Variants in CYP2F1 observed in about 807,000 individuals in gnomAD.
CYP2F1 encodes the protein cytochrome P450 family 2 subfamily F member 1.
CYP2F1 carries 33 observed loss-of-function variants against 40.4 expected under a neutral mutation model. The observed-to-expected ratio is 0.82, with a 90% CI of 0.62 to 1.09. CYP2F1 has a LOEUF of 1.09. Ranked by LOEUF, CYP2F1 falls within the 50% of genes least tolerant of loss-of-function variation. The pLI is 0.00. For synonymous variants in CYP2F1, 235 were observed against 277.2 expected, an observed-to-expected ratio of 0.85 and a Z score of 1.51; for missense variants, 566 against 655.7, an observed-to-expected ratio of 0.86 and a Z score of 1.49.
intron 9 of CYP2F1, among the ~76,000 whole-genome samples, chr19:41,127,262 TA>T (rs2032580276): frequency 6.6e-6 from 1 of 152,214 alleles, no homozygotes; most frequent in African/African-American, 2.4e-5. Context: ...TGGCCCATGG[TA>T]AGCTACTTAC....
intron 3 of CYP2F1, among the ~76,000 whole-genome samples, chr19:41,117,081 C>A (rs1344434615): frequency 6.6e-6 from 1 of 152,024 alleles, no homozygotes; most frequent in East Asian, 1.9e-4. Flanking sequence ...CATCCCAGTC[C>A]CCACTTTAAA....
intron 3 of CYP2F1, 38 bp downstream of exon 3, chr19:41,116,655 TC>T: frequency 1.2e-6 from 2 of 1,606,028 alleles, no homozygotes; most frequent in Non-Finnish European, 1.7e-6. Context: ...CTCGGCCTTT[TC>T]CATATTGAGG....
intron 5 of CYP2F1, 58 bp downstream of exon 5, chr19:41,121,676 A>T: frequency 1.3e-6 from 2 of 1,491,382 alleles, no homozygotes; most frequent in Non-Finnish European, 9.1e-7. Context: ...CTAGGAATGG[A>T]GAGGAAACAG....
intron 8 of CYP2F1, 140 bp downstream of exon 8, chr19:41,125,046 A>G: frequency 1.4e-6 from 1 of 699,780 alleles, no homozygotes; most frequent in African/African-American, 1.8e-5. Flanking sequence ...AGCTACAGAC[A>G]TCTCAGACCC....
At chr19:41,120,537 T>A in intron 4 of CYP2F1, 41 bp downstream of exon 4, 1 of 1,601,362 alleles carries the variant, frequency 6.2e-7, no homozygotes, top group Non-Finnish European at 8.5e-7. Context: ...CACGATCTTT[T>A]TTTTTTTTAA....
intron 9 of CYP2F1, 79 bp from the exon 10 acceptor site, chr19:41,127,822 T>C: frequency 1.8e-6 from 2 of 1,100,468 alleles, no homozygotes; most frequent in Non-Finnish European, 2.6e-6. Flanking sequence ...TCCTCTTATG[T>C]TTTCCTCTGG....
In CYP2F1 at chr19:41,122,849, C is replaced by G; in HGVS notation, c.850C>G (p.His284Asp). The change falls in exon 7 of 10, where the codon CAC (histidine) becomes GAC (aspartate). Residue 284 changes from histidine to aspartate, a missense_variant. This residue lies in a region of CYP2F1 where 62 missense variants were observed against 105.6 expected (regional missense o/e 0.59). Transcript: ENST00000331105. The part of the protein sequence containing the change: ...EEKEDPLSHF[H>D]MDTLLMTTHN... ...GAAGGAGGACCCACTGAGCCACTTC[C>G]ACATGGATACCCTGCTGATGACCAC... is the stretch of plus-strand genomic sequence containing the variant. 5 of 1,551,962 alleles carry G rather than the reference C, an allele frequency of 3.2e-6. No homozygotes were observed. The highest frequency in any genetic ancestry group is 4.4e-6 in the Non-Finnish European group (5 of 1,148,242).
rs1555721021 is a variant in CYP2F1 at position 41,124,905 on chromosome 19, A to G, written c.1151A>G (p.Lys384Arg). The G allele has an allele frequency of 3.1e-6, 5 of 1,600,998 alleles. No homozygotes were observed. Among genetic ancestry groups the G allele is most frequent in the Admixed American group, 1.7e-5 (1 of 59,258 alleles). Reference protein sequence around the residue: ...DTAFRGFLIPKGTDVITLLNT... With the variant: ...DTAFRGFLIPRGTDVITLLNT... ...GCCTTTCGCGGCTTCCTGATACCCA[A>G]GGTGCGCTAGGCCTGGCAAACGACA... The change falls in exon 8 of 10, where the codon AAG becomes AGG. Residue 384 changes from lysine (K) to arginine (R), a missense_variant and splice_region_variant. By Grantham distance (26) the Lys-to-Arg change is conservative. Transcript: ENST00000331105.
rs1482689646 is a variant in CYP2F1 at position 41,120,359 on chromosome 19, C to T, written c.347C>T (p.Ser116Phe). 6.2e-7 allele frequency: 1 copy of T among 1,607,572 alleles called. No homozygotes were observed. The highest frequency in any genetic ancestry group is 1.3e-5 in the African/African-American group (1 of 74,562). The change falls in exon 4 of 10, where the codon TCC (serine) becomes TTC (phenylalanine). Residue 116 changes from serine to phenylalanine, a missense_variant. Transcript: ENST00000331105. ...NFTKGNGIAF[S>F]SGDRWKVLRQ... ...CTCTTCTCCCCAGGCATCGCCTTCT[C>T]CAGTGGGGATCGATGGAAGGTCCTG...
At chr19:41,119,813 C>T (rs898887759) in intron 3 of CYP2F1, among the ~76,000 whole-genome samples, 3 of 130,642 alleles carry the variant, frequency 2.3e-5, no homozygotes, top group African/African-American at 8.8e-5. Context: ...TGGTGGTGCA[C>T]ACCTGTAATC....
At chr19:41,119,723 C>CTATATATATATATATA (rs1290627675) in intron 3 of CYP2F1, among the ~76,000 whole-genome samples, 3 of 35,814 alleles carry the variant, frequency 8.4e-5, no homozygotes, top group Non-Finnish European at 1.6e-4. Context: ...CTCTCTCTCT[C>CTATATATATATATATA]TATATATATA....
In CYP2F1 at chr19:41,125,554, C is replaced by G; in HGVS notation, c.1214C>G (p.Pro405Arg). Residue 405 changes from proline to arginine, a missense_variant, in exon 9 of 10, where the codon CCC becomes CGC. Around this residue, in one of 5 missense-constraint regions of CYP2F1, gnomAD observed 27 missense variants for 68.4 expected, o/e 0.39. Coordinates refer to ENST00000331105, the MANE Select transcript of CYP2F1 (RefSeq NM_000774.5). ...VHYDPSQFLTPQEFNPEHFLD... is the reference protein window; with the variant it reads ...VHYDPSQFLTRQEFNPEHFLD... ...TACGACCCCAGCCAGTTCCTGACGC[C>G]CCAGGAGTTCAACCCCGAGCATTTT... 6.2e-7 allele frequency: 1 copy of G among 1,604,812 alleles called. No homozygotes were observed. The highest frequency in any genetic ancestry group is 1.1e-5 in the South Asian group (1 of 90,756).
At chr19:41,114,788 CTTT>C (rs36044091) in intron 1 of CYP2F1, among the ~76,000 whole-genome samples, 21 of 99,990 alleles carry the variant, frequency 2.1e-4, no homozygotes, top group African/African-American at 8.6e-4. Context: ...CTCTCTCTCT[CTTT>C]TTTTTTTTTT....
At chr19:41,126,494 G>A (rs775743238) in intron 9 of CYP2F1, among the ~76,000 whole-genome samples, 6 of 152,062 alleles carry the variant, frequency 3.9e-5, no homozygotes, top group Non-Finnish European at 8.8e-5. Flanking sequence ...GCTCACACCT[G>A]TAATCCCATC....
rs146029724 is a variant in CYP2F1 at position 41,127,936 on chromosome 19, A to G, written c.1330A>G (p.Met444Val). Residue 444 changes from methionine (M) to valine (V), a missense_variant, in exon 10 of 10, where the codon ATG becomes GTG. Coordinates refer to ENST00000331105, the MANE Select transcript of CYP2F1 (RefSeq NM_000774.5). ...GTGCCTGGGAGAGTCGCTGGCGCGCATGGAGCTCTTTCTGTACCTCACCGC... is the reference window on the plus strand; with the variant it reads ...GTGCCTGGGAGAGTCGCTGGCGCGCGTGGAGCTCTTTCTGTACCTCACCGC... Reference protein sequence around the residue: ...RLCLGESLARMELFLYLTAIL... With the variant: ...RLCLGESLARVELFLYLTAIL... The G allele has an allele frequency of 6.2e-7, 1 of 1,612,426 alleles. No individual in the cohort carries two copies. The highest frequency in any genetic ancestry group is 1.1e-5 in the South Asian group (1 of 90,944).
chr19:41,114,626 C>T (rs1377557778), intron 1 of CYP2F1, 134 bp downstream of exon 1: 1 of 152,210 alleles, frequency 6.6e-6, no homozygotes, highest in Non-Finnish European at 1.5e-5. Context: ...CTCTCATGTC[C>T]CTGTTCTGAG....
chr19:41,122,842 C>A lies in CYP2F1; in HGVS notation c.843C>A (p.Ser281Arg). ...TGCAGGAGAAGGAGGACCCACTGAGCCACTTCCACATGGATACCCTGCTGA... is the reference window on the plus strand; with the variant it reads ...TGCAGGAGAAGGAGGACCCACTGAGACACTTCCACATGGATACCCTGCTGA... ...KMAEEKEDPLSHFHMDTLLMT... is the reference protein window; with the variant it reads ...KMAEEKEDPLRHFHMDTLLMT... The change falls in exon 7 of 10, where the codon AGC (serine) becomes AGA (arginine). Residue 281 changes from serine (S) to arginine (R), a missense_variant. By Grantham distance (110) the Ser-to-Arg change is moderately radical (BLOSUM62 -1). Transcript: ENST00000331105. The A allele has an allele frequency of 1.3e-6, 2 of 1,544,218 alleles. No homozygotes were observed. Among genetic ancestry groups the A allele is most frequent in the African/African-American group, 1.4e-5 (1 of 73,006 alleles).
intron 7 of CYP2F1, chr19:41,123,276 A>C (rs547586499): frequency 2.2e-6 from 1 of 455,260 alleles, no homozygotes; most frequent in African/African-American, 2.0e-5. Context: ...CGATCCGCTC[A>C]CTGCAACCTC....
At chr19:41,124,970 G>A (rs1391998875) in intron 8 of CYP2F1, 64 bp downstream of exon 8, 1 of 1,418,180 alleles carries the variant, frequency 7.1e-7, no homozygotes, top group East Asian at 2.4e-5. Flanking sequence ...CTCTTGCACT[G>A]GCAAGGAGTA....
Sources: allele counts gnomAD v4.1 joint callset (sites outside exome capture counted in the v4.1 genomes callset), GRCh38; gene constraint gnomAD v4.1.1; regional missense constraint gnomAD v4.1.1; transcripts MANE v1.5; gene names NCBI Gene and HGNC (gene_info 2026-07-23, HGNC 2026-07-21).